RNF157: variants seen among roughly 807,000 people sequenced by gnomAD.
RNF157 encodes ring finger protein 157, also known as E3 ubiquitin ligase RNF157.
RNF157 carries 55 observed loss-of-function variants against 88.3 expected under a neutral mutation model. The observed-to-expected ratio is 0.62, with a 90% CI of 0.50 to 0.78. The LOEUF is 0.78. Ranked by LOEUF, RNF157 falls within the 30% of genes least tolerant of loss-of-function variation. The probability of loss-of-function intolerance (pLI) is 0.00; values close to 1 mark genes in which losing one functional copy is unlikely to be tolerated. For synonymous variants in RNF157, 334 were observed against 341.2 expected (o/e 0.98, Z 0.23); for missense variants, 788 against 860.8 (o/e 0.92, Z 1.06).
intron 9 of RNF157, among the ~76,000 whole-genome samples, chr17:76,162,317 G>A (rs1170576309): frequency 6.6e-6 from 1 of 152,180 alleles, no homozygotes; most frequent in East Asian, 1.9e-4. Flanking sequence ...CAAAGAAAGG[G>A]CCCTGGTGGA....
At chr17:76,177,742 T>C (rs2069128006) in intron 2 of RNF157, among the ~76,000 whole-genome samples, 2 of 151,980 alleles carry the variant, frequency 1.3e-5, no homozygotes, top group Admixed American at 1.3e-4. Flanking sequence ...AGAGCAGAGG[T>C]TGGGACCACC....
At position 76,240,068 on chromosome 17, in the gene RNF157, G is replaced by T; in HGVS notation, c.88+85C>A. On this transcript the variant is annotated intron_variant, in intron 1 of 18. Transcript: ENST00000269391. The surrounding 1 kb of genome is among the most constrained non-coding windows in gnomAD (Gnocchi z 4.4). ...GCAACCACTGAGTCCCCGAAGACCCGCGGGGCCCCCTCAGGCCGTCCCGAC... is the reference window on the plus strand; with the variant it reads ...GCAACCACTGAGTCCCCGAAGACCCTCGGGGCCCCCTCAGGCCGTCCCGAC... 1 of 764,844 alleles carries T rather than the reference G, an allele frequency of 1.3e-6. No homozygotes were observed. Among genetic ancestry groups the T allele is most frequent in the Non-Finnish European group, 1.7e-6 (1 of 575,964 alleles). 47.4% of individuals were successfully genotyped at this position (764,844 alleles called of 1,614,324 possible).
chr17:76,182,700 T>A (rs905411001), intron 2 of RNF157, among the ~76,000 whole-genome samples: 2 of 147,208 alleles, frequency 1.4e-5, no homozygotes, highest in Admixed American at 1.3e-4. Flanking sequence ...AACTTCAACA[T>A]AAATCTTTTT....
intron 2 of RNF157, among the ~76,000 whole-genome samples, chr17:76,207,707 A>G (rs2069705501): frequency 6.6e-6 from 1 of 152,020 alleles, no homozygotes; most frequent in Non-Finnish European, 1.5e-5. Flanking sequence ...GTAACCTAAC[A>G]CTCATGTGCT....
intron 3 of RNF157, among the ~76,000 whole-genome samples, chr17:76,172,142 G>A (rs371326674): frequency 8.5e-5 from 13 of 152,190 alleles, no homozygotes; most frequent in African/African-American, 3.1e-4. Context: ...TGGGGAACCA[G>A]CAGAAACTTC....
Position 76,240,062 on chromosome 17 carries a change from A to C in RNF157, c.88+91T>G. The C allele has an allele frequency of 1.5e-6, 1 of 663,864 alleles. No homozygotes were observed. The highest frequency in any genetic ancestry group is 2.1e-6 in the Non-Finnish European group (1 of 486,360). 41.1% of individuals were successfully genotyped at this position (663,864 alleles called of 1,614,324 possible). A position where few individuals can be genotyped will look rare whatever the true frequency, so the allele number is the denominator to read the frequency against. On this transcript the variant is annotated intron_variant, in intron 1 of 18. Transcript: ENST00000269391. This position sits in a 1 kb window ranked among gnomAD's most constrained non-coding sequence, Gnocchi z 4.4. The stretch of plus-strand genomic sequence containing the variant: ...GCGTCCGCAACCACTGAGTCCCCGA[A>C]GACCCGCGGGGCCCCCTCAGGCCGT...
rs2069456428 is a variant in RNF157 at position 76,195,027 on chromosome 17, C to G, written c.207+17337G>C. ...GAGACTCTGTCTCAAAAAAACAAAA[C>G]AAAACACAAGAGCAGAGGGAATGGG... On this transcript the variant is annotated intron_variant, in intron 2 of 18. Coordinates refer to ENST00000269391, the MANE Select transcript of RNF157 (RefSeq NM_052916.3). This position sits in a 1 kb window ranked among gnomAD's most constrained non-coding sequence, Gnocchi z 4.4. Among the ~76,000 whole-genome samples the G allele has an allele frequency of 6.6e-6, 1 of 151,812 alleles. No homozygotes were observed. Among genetic ancestry groups the G allele is most frequent in the Non-Finnish European group, 1.5e-5 (1 of 67,944 alleles).
chr17:76,202,666 C>G (rs956950655), intron 2 of RNF157: 1 of 163,354 alleles, frequency 6.1e-6, no homozygotes, highest in Admixed American at 6.4e-5. Flanking sequence ...CTGAATAGTT[C>G]TAGGGATCTC....
In RNF157 at chr17:76,201,664, A is replaced by G. The variant is rs191348681; in HGVS notation, c.207+10700T>C. ...AAATATATGTACATAATGCACACAC[A>G]TACATATATTATTTTTATCCGAAAT... On this transcript the variant is annotated intron_variant, in intron 2 of 18. Transcript: ENST00000269391. Among the ~76,000 whole-genome samples the G allele has an allele frequency of 4.6e-5, 7 of 152,256 alleles. No individual in the cohort carries two copies. The East Asian group carries it at 1.3e-3, about 29-fold the overall frequency.
intron 2 of RNF157, among the ~76,000 whole-genome samples, chr17:76,190,008 A>C (rs1054054751): frequency 1.4e-4 from 21 of 152,270 alleles, no homozygotes; most frequent in Middle Eastern, 3.4e-3. Flanking sequence ...CAAGCAATGG[A>C]GAGAGCCGCA....
At chr17:76,205,723 C>CTAAATAAA (rs35839727) in intron 2 of RNF157, among the ~76,000 whole-genome samples, 5,250 of 146,758 alleles carry the variant, frequency 0.036, 287 homozygotes, top group African/African-American at 0.12. Flanking sequence ...GACTCCATCT[C>CTAAATAAA]TAAATAAATA....
At chr17:76,228,853 G>C (rs2070140142) in intron 1 of RNF157, among the ~76,000 whole-genome samples, 1 of 152,064 alleles carries the variant, frequency 6.6e-6, no homozygotes, top group African/African-American at 2.4e-5. Context: ...GAACCTGGGA[G>C]GCAGAGGTTG....
chr17:76,228,023 A>G (rs1474193016), intron 1 of RNF157, among the ~76,000 whole-genome samples: 2 of 152,186 alleles, frequency 1.3e-5, no homozygotes, highest in Non-Finnish European at 2.9e-5. Context: ...CATTCTCTTT[A>G]CAGTTTATGT....
At chr17:76,239,687 A>T (rs987958907) in intron 1 of RNF157, among the ~76,000 whole-genome samples, 3 of 152,162 alleles carry the variant, frequency 2.0e-5, no homozygotes, top group Admixed American at 6.5e-5. Flanking sequence ...ACGGCAGCGC[A>T]GGGATAGCAC....
At chr17:76,198,509 G>T (rs72868724) in intron 2 of RNF157, among the ~76,000 whole-genome samples, 10,112 of 152,136 alleles carry the variant, frequency 0.066, 470 homozygotes, top group East Asian at 0.14. Context: ...GCGTCCTTTG[G>T]GGGGCCTGAA....
chr17:76,203,093 C>G (rs767702270), intron 2 of RNF157, among the ~76,000 whole-genome samples: 2 of 151,992 alleles, frequency 1.3e-5, no homozygotes, highest in African/African-American at 4.8e-5. Flanking sequence ...TGGGTTCAAG[C>G]GATTCTTATG....
chr17:76,209,046 C>T (rs1356911681), intron 2 of RNF157, among the ~76,000 whole-genome samples: 1 of 150,802 alleles, frequency 6.6e-6, no homozygotes, highest in Non-Finnish European at 1.5e-5. Context: ...AAAGCAACAA[C>T]AAAAACTCCA....
intron 1 of RNF157, among the ~76,000 whole-genome samples, chr17:76,216,725 G>T (rs1393300078): frequency 6.6e-6 from 1 of 150,976 alleles, no homozygotes; most frequent in Non-Finnish European, 1.5e-5. Context: ...CCCTTGTCTC[G>T]ACAAAAAATT....
chr17:76,169,579 GTTT>G (rs558817508), intron 3 of RNF157, among the ~76,000 whole-genome samples: 229 of 133,484 alleles, frequency 1.7e-3, no homozygotes, highest in East Asian at 7.5e-3. Flanking sequence ...GCCTAGTTAG[GTTT>G]TTTTTTTTTT....
Sources: allele counts gnomAD v4.1 joint callset (sites outside exome capture counted in the v4.1 genomes callset), GRCh38; gene constraint gnomAD v4.1.1; non-coding constraint Gnocchi (gnomAD v3.1); transcripts MANE v1.5; gene names NCBI Gene and HGNC (gene_info 2026-07-23, HGNC 2026-07-21).